The following AMPH variants were observed in gnomAD, a reference collection of about 807,000 sequenced individuals.
AMPH encodes amphiphysin, also known as amphiphysin (Stiff-Mann syndrome with breast cancer 128kD autoantigen).
AMPH carries 49 observed loss-of-function variants against 99.1 expected under a neutral mutation model. The observed-to-expected ratio is 0.49, with a 90% confidence interval of 0.39 to 0.63. The LOEUF (loss-of-function observed/expected upper bound fraction) is 0.63. AMPH is among the 20% of genes least tolerant of loss of function. The pLI, the probability that AMPH is intolerant of heterozygous loss-of-function variation, is 0.00. For missense variants in AMPH, 759 were observed against 863.4 expected, an observed-to-expected ratio of 0.88 and a Z score of 1.52; for synonymous variants, 314 against 317.3, an observed-to-expected ratio of 0.99 and a Z score of 0.11.
At chr7:38,438,399 T>C (rs73352622) in intron 11 of AMPH, among the ~76,000 whole-genome samples, 4,562 of 152,260 alleles carry the variant, frequency 0.03, 205 homozygotes, top group African/African-American at 0.1. Context: ...CCAGCTGCCA[T>C]GTAGCAGAGG....
At chr7:38,464,124 A>G (rs1205729587) in intron 9 of AMPH, 1 of 1,289,758 alleles carries the variant, frequency 7.8e-7, no homozygotes, top group African/African-American at 1.5e-5. Flanking sequence ...AAAAAAAGTG[A>G]AAGGAACATT....
At chr7:38,517,030 G>T (rs1789773712) in intron 2 of AMPH, among the ~76,000 whole-genome samples, 1 of 152,148 alleles carries the variant, frequency 6.6e-6, no homozygotes, top group African/African-American at 2.4e-5. Flanking sequence ...TAATTAACTT[G>T]TTTTCTATTT....
chr7:38,619,051 G>C (rs1299137168), intron 1 of AMPH, among the ~76,000 whole-genome samples: 1 of 152,164 alleles, frequency 6.6e-6, no homozygotes, highest in Non-Finnish European at 1.5e-5. Context: ...ATGCTGCCAG[G>C]CATGATGGCA....
At chr7:38,463,344 A>G in intron 9 of AMPH, 1 of 635,036 alleles carries the variant, frequency 1.6e-6, no homozygotes, top group Admixed American at 2.1e-5. Flanking sequence ...CACAGTAGCC[A>G]TGTTTTATTG....
intron 2 of AMPH, among the ~76,000 whole-genome samples, chr7:38,527,004 G>A (rs944439637): frequency 2.0e-5 from 3 of 152,190 alleles, no homozygotes; most frequent in Admixed American, 6.5e-5. Flanking sequence ...CTATGGCACC[G>A]TTTGTTGAAA....
At chr7:38,429,937 G>T in intron 13 of AMPH, 72 bp from the exon 14 acceptor site, 1 of 1,396,992 alleles carries the variant, frequency 7.2e-7, no homozygotes, top group Non-Finnish European at 9.8e-7. Context: ...ATCCTATGCT[G>T]TCTAGAGTCA....
chr7:38,492,208 T>G (rs1191937974), intron 4 of AMPH, among the ~76,000 whole-genome samples: 1 of 152,216 alleles, frequency 6.6e-6, no homozygotes, highest in Non-Finnish European at 1.5e-5. Flanking sequence ...GGTGTGGTCA[T>G]GTGGCTGTGT....
chr7:38,390,997 GA>G (rs1562721061), intron 19 of AMPH, among the ~76,000 whole-genome samples: 22,484 of 88,156 alleles, frequency 0.26, 1,977 homozygotes, highest in Admixed American at 0.36. Flanking sequence ...GAGAGAGAGA[GA>G]GAGAGAGAGA....
chr7:38,610,910 G>C (rs931754916), intron 1 of AMPH, among the ~76,000 whole-genome samples: 2 of 151,988 alleles, frequency 1.3e-5, no homozygotes, highest in African/African-American at 2.4e-5. Flanking sequence ...AGAAGTGAAT[G>C]GTACCCAGAC....
intron 20 of AMPH, among the ~76,000 whole-genome samples, chr7:38,386,594 G>C (rs1347708378): frequency 1.3e-5 from 2 of 152,134 alleles, no homozygotes; most frequent in Non-Finnish European, 2.9e-5. Context: ...AGAATGGCTT[G>C]TATTAGACAA....
chr7:38,450,893 CT>C (rs1161257005), intron 11 of AMPH, among the ~76,000 whole-genome samples: 5,285 of 144,092 alleles, frequency 0.037, 117 homozygotes, highest in South Asian at 0.077. Context: ...AAAACACTTT[CT>C]TTTTTTTTTT....
intron 12 of AMPH, 132 bp from the exon 13 acceptor site, chr7:38,432,344 T>C: frequency 1.4e-6 from 1 of 734,484 alleles, no homozygotes; most frequent in Non-Finnish European, 2.3e-6. Flanking sequence ...ATAAAACTTT[T>C]TTTGGTGAAG....
chr7:38,586,274 A>C (rs1792642830), intron 1 of AMPH, among the ~76,000 whole-genome samples: 2 of 152,170 alleles, frequency 1.3e-5, no homozygotes, highest in African/African-American at 2.4e-5. Flanking sequence ...CCTTATCAAC[A>C]TTCTGCCATT....
At chr7:38,563,367 C>T (rs4720292) in intron 1 of AMPH, among the ~76,000 whole-genome samples, 134,431 of 152,256 alleles carry the variant, frequency 0.88, 59,472 homozygotes, top group East Asian at 0.97. Context: ...GATGCCTTAA[C>T]AAACACATCA....
At chr7:38,502,708 G>A (rs1183154234) in intron 3 of AMPH, among the ~76,000 whole-genome samples, 2 of 152,144 alleles carry the variant, frequency 1.3e-5, no homozygotes, top group Admixed American at 6.5e-5. Flanking sequence ...GGCCCACTCT[G>A]TATGTAAGTT....
At chr7:38,613,211 T>C (rs76209729) in intron 1 of AMPH, among the ~76,000 whole-genome samples, 7,504 of 152,282 alleles carry the variant, frequency 0.049, 262 homozygotes, top group Non-Finnish European at 0.073. Context: ...TCCAAATAAA[T>C]TGTACCAAAA....
chr7:38,597,211 C>T (rs376165214), intron 1 of AMPH, among the ~76,000 whole-genome samples: 19 of 152,250 alleles, frequency 1.2e-4, no homozygotes, highest in East Asian at 7.7e-4. Flanking sequence ...GATTCATAGT[C>T]ATCCATTTGA....
intron 5 of AMPH, among the ~76,000 whole-genome samples, chr7:38,477,230 C>T (rs970750226): frequency 6.6e-6 from 1 of 151,840 alleles, no homozygotes; most frequent in African/African-American, 2.4e-5. Context: ...GCAGAGTTTG[C>T]AGTCAAAGAC....
intron 5 of AMPH, among the ~76,000 whole-genome samples, chr7:38,483,031 G>T (rs1404853662): frequency 2.0e-5 from 3 of 152,050 alleles, no homozygotes; most frequent in Non-Finnish European, 2.9e-5. Context: ...CAGGAAAAGG[G>T]GAGCTACATT....
Sources: gnomAD v4.1 joint callset for allele counts (sites outside exome capture counted in the v4.1 genomes callset) on GRCh38, gnomAD v4.1.1 for gene constraint, MANE v1.5 for transcripts, NCBI Gene and HGNC (gene_info 2026-07-23, HGNC 2026-07-21) for gene names.